PDE4B: variants seen among roughly 807,000 people sequenced by gnomAD.
The protein encoded by PDE4B is phosphodiesterase 4B.
In PDE4B, 20 loss-of-function variants were observed where a neutral mutation model predicts 82.2. The ratio of observed to expected loss-of-function variants is 0.24; its 90% confidence interval spans 0.17 to 0.35. The LOEUF (loss-of-function observed/expected upper bound fraction) is 0.35. Among genes scored for constraint, PDE4B ranks in the 10% least tolerant of loss-of-function variants. The probability of loss-of-function intolerance (pLI) is 1.00; values close to 1 mark genes in which losing one functional copy is unlikely to be tolerated. For synonymous variants in PDE4B, 320 were observed against 318.9 expected (o/e 1.00, Z -0.04); for missense variants, 655 against 907.2 (o/e 0.72, Z 3.57).
chr1:66,189,407 G>A (rs1647523580), intron 3 of PDE4B, among the ~76,000 whole-genome samples: 1 of 152,188 alleles, frequency 6.6e-6, no homozygotes, highest in South Asian at 2.1e-4. Flanking sequence ...AAGTTCTCCT[G>A]GATAATATCC....
At chr1:66,334,892 G>A (rs1477283945) in intron 8 of PDE4B, among the ~76,000 whole-genome samples, 1 of 152,120 alleles carries the variant, frequency 6.6e-6, no homozygotes, top group African/African-American at 2.4e-5. Flanking sequence ...CTTTGGGATT[G>A]CTTGAGCCCA....
intron 3 of PDE4B, among the ~76,000 whole-genome samples, chr1:66,111,267 A>T (rs944236065): frequency 7.2e-5 from 11 of 152,128 alleles, no homozygotes; most frequent in African/African-American, 2.7e-4. Context: ...TGTGTAAAAT[A>T]TATATAACAA....
intron 3 of PDE4B, among the ~76,000 whole-genome samples, chr1:66,093,096 C>T (rs552376054): frequency 7.2e-5 from 11 of 151,950 alleles, no homozygotes; most frequent in Admixed American, 2.6e-4. Context: ...CCCAGTAGGA[C>T]AGGGTTTGTG....
At chr1:66,142,691 A>G (rs1436982772) in intron 3 of PDE4B, among the ~76,000 whole-genome samples, 2 of 152,216 alleles carry the variant, frequency 1.3e-5, no homozygotes, top group East Asian at 1.9e-4. Flanking sequence ...GAGCATTTGC[A>G]TCATGGGAAA....
At chr1:65,939,638 A>G (rs1040254215) in intron 3 of PDE4B, among the ~76,000 whole-genome samples, 2 of 152,162 alleles carry the variant, frequency 1.3e-5, no homozygotes, top group Non-Finnish European at 1.5e-5. Flanking sequence ...CTTGAACCCC[A>G]CAAAGGCAGT....
At chr1:65,879,211 A>G (rs1389868790) in intron 1 of PDE4B, among the ~76,000 whole-genome samples, 1 of 152,152 alleles carries the variant, frequency 6.6e-6, no homozygotes, top group Non-Finnish European at 1.5e-5. Flanking sequence ...GCCATAAAAT[A>G]CAAACCCAAA....
chr1:66,092,131 G>A (rs1192270201), intron 3 of PDE4B, among the ~76,000 whole-genome samples: 1 of 151,892 alleles, frequency 6.6e-6, no homozygotes, highest in South Asian at 2.1e-4. Context: ...TTTAATATGA[G>A]GATCCCCAGA....
chr1:66,061,967 G>A (rs1193066055), intron 3 of PDE4B, among the ~76,000 whole-genome samples: 4 of 152,098 alleles, frequency 2.6e-5, no homozygotes, highest in Non-Finnish European at 4.4e-5. Flanking sequence ...TCCAGGGAGA[G>A]AGGGACATAA....
rs575787498 is a variant in PDE4B at position 65,977,641 on chromosome 1, G to T, written c.281+58806G>T. 2.0e-5 allele frequency among the ~76,000 whole-genome samples: 3 copies of T among 152,306 alleles called. No homozygotes were observed. The South Asian group carries it at 6.2e-4, about 32-fold the overall frequency. ...CTATGTACCATAGGGAAATGGAGATGGCGATGTATAGTTCTTGTTCTTTCT... is the reference window on the plus strand; with the variant it reads ...CTATGTACCATAGGGAAATGGAGATTGCGATGTATAGTTCTTGTTCTTTCT... On this transcript the variant is annotated intron_variant, in intron 3 of 16. Transcript: ENST00000341517.
At position 66,052,760 on chromosome 1, in the gene PDE4B, T is replaced by G. The variant is rs544149801; in HGVS notation, c.281+133925T>G. ...AATTCTGTCAACTTGTAACTGTGCTTAAAATTTATCAAATTAGAGGGTGTT... is the reference window on the plus strand; with the variant it reads ...AATTCTGTCAACTTGTAACTGTGCTGAAAATTTATCAAATTAGAGGGTGTT... On this transcript the variant is annotated intron_variant, in intron 3 of 16. Coordinates refer to ENST00000341517, the MANE Select transcript of PDE4B (RefSeq NM_002600.4). Among the ~76,000 whole-genome samples, 28 of 152,230 alleles carry G rather than the reference T, an allele frequency of 1.8e-4. No homozygotes were observed. In the East Asian group the frequency reaches 4.8e-3, roughly 26 times the overall value.
At chr1:66,286,946 C>T (rs767357124) in intron 7 of PDE4B, among the ~76,000 whole-genome samples, 15 of 152,120 alleles carry the variant, frequency 9.9e-5, no homozygotes, top group Admixed American at 5.2e-4. Flanking sequence ...AAATCTTAAA[C>T]GTAGCAACAC....
chr1:66,015,138 T>G (rs1338822123), intron 3 of PDE4B, among the ~76,000 whole-genome samples: 3 of 152,212 alleles, frequency 2.0e-5, no homozygotes, highest in African/African-American at 7.2e-5. Context: ...TCTTCTCACT[T>G]TCTTTCACCA....
intron 1 of PDE4B, among the ~76,000 whole-genome samples, chr1:65,802,491 T>A (rs1462791907): frequency 6.6e-6 from 1 of 152,198 alleles, no homozygotes; most frequent in Non-Finnish European, 1.5e-5. Context: ...ACTATGTCAA[T>A]GGCCATACCT....
intron 1 of PDE4B, among the ~76,000 whole-genome samples, chr1:65,907,849 C>G (rs1476327030): frequency 6.6e-6 from 1 of 152,108 alleles, no homozygotes; most frequent in African/African-American, 2.4e-5. Flanking sequence ...TAGGACTTTT[C>G]CTGTTAAGCT....
At chr1:66,362,215 C>A (rs895922768) in intron 10 of PDE4B, among the ~76,000 whole-genome samples, 9 of 152,114 alleles carry the variant, frequency 5.9e-5, no homozygotes, top group Non-Finnish European at 1.2e-4. Context: ...TCTGAATTAT[C>A]CCAGAGGACA....
At chr1:66,025,002 T>C (rs1653358546) in intron 3 of PDE4B, among the ~76,000 whole-genome samples, 1 of 152,060 alleles carries the variant, frequency 6.6e-6, no homozygotes, top group Admixed American at 6.5e-5. Context: ...TATAGCTATA[T>C]ATTTTAATAG....
intron 3 of PDE4B, among the ~76,000 whole-genome samples, chr1:66,234,401 G>A (rs893124499): frequency 5.3e-5 from 8 of 152,194 alleles, no homozygotes; most frequent in African/African-American, 1.2e-4. Flanking sequence ...TGATTCTCCC[G>A]CTTCAGCCTC....
At chr1:66,319,866 C>T (rs1659279435) in intron 7 of PDE4B, among the ~76,000 whole-genome samples, 1 of 152,148 alleles carries the variant, frequency 6.6e-6, no homozygotes, top group Admixed American at 6.6e-5. Context: ...TTCCATTGAG[C>T]AGTTTCCAAT....
intron 4 of PDE4B, 49 bp from the exon 5 acceptor site, chr1:66,257,598 T>C (rs764559322): frequency 6.7e-7 from 1 of 1,493,580 alleles, no homozygotes; most frequent in African/African-American, 1.4e-5. Flanking sequence ...TATGTCACAG[T>C]TATAATTCAA....
Sources: allele counts gnomAD v4.1 joint callset (sites outside exome capture counted in the v4.1 genomes callset), GRCh38; gene constraint gnomAD v4.1.1; transcripts MANE v1.5; gene names NCBI Gene and HGNC (gene_info 2026-07-23, HGNC 2026-07-21).